MCF2: variants seen among roughly 807,000 people sequenced by gnomAD.
MCF2 encodes MCF.2 cell line derived transforming sequence, also known as proto-oncogene DBL.
MCF2 carries 44 observed loss-of-function variants against 82.5 expected under a neutral mutation model. That is an observed-to-expected ratio of 0.53 (90% confidence interval 0.42 to 0.69). The LOEUF is 0.69. Among genes scored for constraint, MCF2 ranks in the 30% least tolerant of loss-of-function variants. The probability of loss-of-function intolerance (pLI) is 0.00; values close to 1 mark genes in which losing one functional copy is unlikely to be tolerated. For synonymous variants in MCF2, 217 were observed against 224.9 expected (o/e 0.96, Z 0.32); for missense variants, 623 against 663.1 (o/e 0.94, Z 0.66).
chrX:139,683,582 A>C (rs1935052703), intron 1 of MCF2, among the ~76,000 whole-genome samples: 1 of 112,673 alleles, frequency 8.9e-6, no homozygotes, highest in Non-Finnish European at 1.9e-5. Context: ...CTGATTTCAA[A>C]ATTAGTACAA....
intron 1 of MCF2, chrX:139,691,838 G>C: frequency 2.4e-6 from 2 of 849,449 alleles, no homozygotes; most frequent in South Asian, 2.3e-5. Context: ...AGCCGGCCGG[G>C]CTGGGGAGGC....
At chrX:139,652,153 T>C (rs974635264) in intron 1 of MCF2, among the ~76,000 whole-genome samples, 10 of 112,105 alleles carry the variant, frequency 8.9e-5, no homozygotes, top group Non-Finnish European at 1.5e-4. Context: ...GATAATGCCT[T>C]TCACTCTACA....
intron 1 of MCF2, among the ~76,000 whole-genome samples, chrX:139,689,967 CAT>C (rs1018327357): frequency 1.8e-5 from 2 of 112,382 alleles, no homozygotes; most frequent in African/African-American, 6.5e-5. Flanking sequence ...ACTTTGTAAA[CAT>C]ATTTTAATAT....
At chrX:139,651,626 A>C in intron 2 of MCF2, 94 bp downstream of exon 2, 1 of 493,807 alleles carries the variant, frequency 2.0e-6, no homozygotes, top group Non-Finnish European at 3.5e-6. Context: ...ATAGCTCTAT[A>C]TATAGAGAGC....
At chrX:139,634,741 A>G (rs1330674784) in intron 1 of MCF2, among the ~76,000 whole-genome samples, 8 of 111,686 alleles carry the variant, frequency 7.2e-5, no homozygotes. Context: ...GTTCCAAATG[A>G]GAACTCTTAT....
intron 22 of MCF2, among the ~76,000 whole-genome samples, chrX:139,586,800 G>A (rs906754113): frequency 9.0e-6 from 1 of 111,467 alleles, no homozygotes; most frequent in African/African-American, 3.3e-5. Flanking sequence ...TAGGTAAGTT[G>A]TTGTATATAA....
At chrX:139,653,306 T>C (rs5954097) in intron 1 of MCF2, among the ~76,000 whole-genome samples, 4,832 of 112,094 alleles carry the variant, frequency 0.043, 253 homozygotes, top group African/African-American at 0.15. Context: ...ATAGTTAAAA[T>C]GTGTTCTACT....
intron 24 of MCF2, among the ~76,000 whole-genome samples, chrX:139,583,605 G>A (rs1418516164): frequency 9.0e-6 from 1 of 111,124 alleles, no homozygotes; most frequent in African/African-American, 3.3e-5. Flanking sequence ...ACTAGAGGGA[G>A]GAAAGAGGGT....
intron 2 of MCF2, among the ~76,000 whole-genome samples, chrX:139,648,880 C>T (rs1017905241): frequency 8.9e-6 from 1 of 112,004 alleles, no homozygotes. Context: ...CACCTAATAA[C>T]AGAGCTTCAA....
At chrX:139,686,207 C>T (rs184881322) in intron 1 of MCF2, among the ~76,000 whole-genome samples, 3 of 111,264 alleles carry the variant, frequency 2.7e-5, no homozygotes, top group East Asian at 5.7e-4. Context: ...TGAAAACTGG[C>T]ACAAGAAAAG....
At chrX:139,696,330 C>T (rs866091992) in intron 1 of MCF2, among the ~76,000 whole-genome samples, 2 of 39,017 alleles carry the variant, frequency 5.1e-5, no homozygotes, top group Non-Finnish European at 1.0e-4. Flanking sequence ...TCCTTCCTTC[C>T]TTCTTTCTCT....
intron 1 of MCF2, among the ~76,000 whole-genome samples, chrX:139,693,374 ATAT>A (rs1449637100): frequency 9.0e-6 from 1 of 110,811 alleles, no homozygotes; most frequent in African/African-American, 3.3e-5. Flanking sequence ...GAGTGGATTA[ATAT>A]TATACAGGCC....
intron 1 of MCF2, among the ~76,000 whole-genome samples, chrX:139,690,190 A>G (rs1482478720): frequency 9.6e-6 from 1 of 103,683 alleles, no homozygotes; most frequent in Non-Finnish European, 2.0e-5. Flanking sequence ...GGGGCCTGTC[A>G]ACATGTAGGA....
At chrX:139,620,058 ATCTT>A (rs1932240520) in intron 6 of MCF2, among the ~76,000 whole-genome samples, 1 of 107,585 alleles carries the variant, frequency 9.3e-6, no homozygotes, top group African/African-American at 3.4e-5. Flanking sequence ...CTAAAACAAA[ATCTT>A]ACCTGAGAAT....
At chrX:139,633,172 G>A (rs1011808568) in intron 1 of MCF2, among the ~76,000 whole-genome samples, 1 of 111,284 alleles carries the variant, frequency 9.0e-6, no homozygotes, top group African/African-American at 3.3e-5. Context: ...GAGTTAACTG[G>A]ATCAGAATGT....
chrX:139,590,529 A>AACTT (rs1255187305), intron 19 of MCF2, among the ~76,000 whole-genome samples: 1 of 83,108 alleles, frequency 1.2e-5, no homozygotes, highest in African/African-American at 4.8e-5. Flanking sequence ...TACCCAGTGA[A>AACTT]ACTTCTGTAC....
chrX:139,605,337 C>A (rs747979714), intron 13 of MCF2, among the ~76,000 whole-genome samples: 3 of 110,778 alleles, frequency 2.7e-5, no homozygotes, highest in Non-Finnish European at 5.7e-5. Flanking sequence ...ATTGGCAATA[C>A]GTGCTTAGGT....
At chrX:139,624,926 T>C (rs2148479543) in intron 6 of MCF2, among the ~76,000 whole-genome samples, 1 of 111,211 alleles carries the variant, frequency 9.0e-6, no homozygotes, top group Non-Finnish European at 1.9e-5. Context: ...AAAAATATTA[T>C]CTGTATATAT....
At chrX:139,668,403 A>T (rs1386497833) in intron 1 of MCF2, among the ~76,000 whole-genome samples, 2 of 111,700 alleles carry the variant, frequency 1.8e-5, no homozygotes, top group African/African-American at 3.3e-5. Flanking sequence ...TCCCTGGAGC[A>T]GTTCCATCTC....
Sources: allele counts gnomAD v4.1 joint callset (sites outside exome capture counted in the v4.1 genomes callset), GRCh38; gene constraint gnomAD v4.1.1; transcripts MANE v1.5; gene names NCBI Gene and HGNC (gene_info 2026-07-23, HGNC 2026-07-21).